Variants in CTNNA3 observed in about 807,000 individuals in gnomAD.
The protein encoded by CTNNA3 is catenin alpha-3.
In CTNNA3, 76 loss-of-function variants were observed where a neutral mutation model predicts 95.7. The ratio of observed to expected loss-of-function variants is 0.79; its 90% confidence interval spans 0.66 to 0.96. The LOEUF (loss-of-function observed/expected upper bound fraction) is 0.96, where lower values mean the gene tolerates loss of function less well. Among genes scored for constraint, CTNNA3 ranks in the 40% least tolerant of loss-of-function variants. The pLI is 0.00. For missense variants in CTNNA3, 1,191 were observed against 1,089.8 expected (o/e 1.09, Z -1.31); for synonymous variants, 431 against 374.4 (o/e 1.15, Z -1.74).
chr10:66,209,918 A>G (rs2088023734), intron 13 of CTNNA3, among the ~76,000 whole-genome samples: 1 of 152,166 alleles, frequency 6.6e-6, no homozygotes, highest in Non-Finnish European at 1.5e-5. Context: ...TGCAAAAGTA[A>G]GAGAGACAGA....
chr10:67,244,031 G>T (rs1865813878), intron 5 of CTNNA3, among the ~76,000 whole-genome samples: 1 of 152,060 alleles, frequency 6.6e-6, no homozygotes, highest in Non-Finnish European at 1.5e-5. Flanking sequence ...AAACCTTGAG[G>T]GTCACTGCCA....
At chr10:66,643,352 G>A (rs1845582086) in intron 9 of CTNNA3, among the ~76,000 whole-genome samples, 1 of 152,088 alleles carries the variant, frequency 6.6e-6, no homozygotes, top group Non-Finnish European at 1.5e-5. Context: ...CCATGTTTGT[G>A]ACTGGAAGCA....
At chr10:67,309,731 T>C (rs1204077669) in intron 5 of CTNNA3, among the ~76,000 whole-genome samples, 1 of 152,182 alleles carries the variant, frequency 6.6e-6, no homozygotes, top group Non-Finnish European at 1.5e-5. Flanking sequence ...TTATAATAAG[T>C]AGTTCTAAAT....
At chr10:66,024,945 C>T (rs2079306008) in intron 15 of CTNNA3, among the ~76,000 whole-genome samples, 1 of 152,148 alleles carries the variant, frequency 6.6e-6, no homozygotes, top group Non-Finnish European at 1.5e-5. Flanking sequence ...GATTTCTAAG[C>T]CATAGTACAT....
chr10:66,428,885 G>T (rs1334521451), intron 11 of CTNNA3, among the ~76,000 whole-genome samples: 1 of 151,620 alleles, frequency 6.6e-6, no homozygotes, highest in Non-Finnish European at 1.5e-5. Context: ...CTAGCAGAAG[G>T]CAAGAAATAA....
chr10:65,989,620 A>C (rs2078497904), intron 15 of CTNNA3, among the ~76,000 whole-genome samples: 1 of 152,030 alleles, frequency 6.6e-6, no homozygotes, highest in South Asian at 2.1e-4. Context: ...GGGTACATGT[A>C]TTATTTTGCT....
At chr10:66,877,973 C>T (rs561892533) in intron 7 of CTNNA3, among the ~76,000 whole-genome samples, 5 of 152,212 alleles carry the variant, frequency 3.3e-5, no homozygotes, top group South Asian at 4.1e-4. Flanking sequence ...ATAATTTACC[C>T]ACTACAGAAA....
At chr10:67,305,251 G>A (rs1840497573) in intron 5 of CTNNA3, among the ~76,000 whole-genome samples, 1 of 152,136 alleles carries the variant, frequency 6.6e-6, no homozygotes, top group Non-Finnish European at 1.5e-5. Flanking sequence ...ACTCCAGCCT[G>A]GGTGACAGAG....
chr10:67,508,356 C>A (rs1489612870), intron 5 of CTNNA3, among the ~76,000 whole-genome samples: 6 of 152,120 alleles, frequency 3.9e-5, no homozygotes. Context: ...TTCACAAGCC[C>A]ATAGTTAGTG....
At chr10:66,331,130 A>G (rs1184412646) in intron 12 of CTNNA3, among the ~76,000 whole-genome samples, 3 of 151,876 alleles carry the variant, frequency 2.0e-5, no homozygotes, top group Non-Finnish European at 2.9e-5. Context: ...CTTAGACATG[A>G]AGTCCTTGCC....
chr10:66,169,316 T>C (rs1377089354), intron 13 of CTNNA3, among the ~76,000 whole-genome samples: 2 of 152,216 alleles, frequency 1.3e-5, no homozygotes, highest in African/African-American at 4.8e-5. Flanking sequence ...CTTAGAATAA[T>C]AGTCTCCAGT....
At chr10:66,950,175 T>G (rs534740756) in intron 7 of CTNNA3, among the ~76,000 whole-genome samples, 2 of 152,290 alleles carry the variant, frequency 1.3e-5, no homozygotes, top group South Asian at 4.1e-4. Context: ...TATAACCAAA[T>G]TTAACTCTTA....
At chr10:67,743,405 T>C (rs1267542911) in intron 1 of CTNNA3, among the ~76,000 whole-genome samples, 1 of 151,160 alleles carries the variant, frequency 6.6e-6, no homozygotes, top group East Asian at 1.9e-4. Context: ...AAAAACCACA[T>C]GATAATCTCA....
intron 17 of CTNNA3, among the ~76,000 whole-genome samples, chr10:65,923,919 A>C (rs1157850184): frequency 6.6e-6 from 1 of 152,108 alleles, no homozygotes; most frequent in African/African-American, 2.4e-5. Context: ...TCCTAAAGCT[A>C]ATTTTTTTCT....
At chr10:66,486,435 T>C (rs1589318182) in intron 11 of CTNNA3, among the ~76,000 whole-genome samples, 2 of 152,058 alleles carry the variant, frequency 1.3e-5, no homozygotes, top group African/African-American at 2.4e-5. Flanking sequence ...CTAACAGATA[T>C]ATGACAGAAT....
intron 7 of CTNNA3, among the ~76,000 whole-genome samples, chr10:67,067,954 T>C (rs957432068): frequency 3.3e-5 from 5 of 152,212 alleles, no homozygotes; most frequent in Non-Finnish European, 7.3e-5. Context: ...AGGTTTGTCC[T>C]GGCTTCACAG....
At chr10:66,437,793 T>A (rs1455926642) in intron 11 of CTNNA3, among the ~76,000 whole-genome samples, 1 of 152,218 alleles carries the variant, frequency 6.6e-6, no homozygotes, top group African/African-American at 2.4e-5. Context: ...TTTTTGGAAT[T>A]TTCAGCCTTT....
intron 5 of CTNNA3, among the ~76,000 whole-genome samples, chr10:67,405,222 A>G (rs1021005694): frequency 3.3e-5 from 5 of 152,182 alleles, no homozygotes; most frequent in African/African-American, 1.2e-4. Context: ...TTAACCTTAA[A>G]TGCTCCAATT....
chr10:66,050,439 T>G (rs1372585606), intron 15 of CTNNA3, among the ~76,000 whole-genome samples: 1 of 151,704 alleles, frequency 6.6e-6, no homozygotes, highest in Non-Finnish European at 1.5e-5. Context: ...TTTTTTTTCC[T>G]TTAGCAAGAG....
Sources: gnomAD v4.1 joint callset for allele counts (sites outside exome capture counted in the v4.1 genomes callset) on GRCh38, gnomAD v4.1.1 for gene constraint, MANE v1.5 for transcripts, NCBI Gene and HGNC (gene_info 2026-07-23, HGNC 2026-07-21) for gene names.